MAN1C1: variants seen among roughly 807,000 people sequenced by gnomAD.
MAN1C1 encodes mannosyl-oligosaccharide 1,2-alpha-mannosidase IC.
In MAN1C1, 49 loss-of-function variants were observed where a neutral mutation model predicts 71.5. The observed-to-expected ratio is 0.69, with a 90% CI of 0.54 to 0.87. The LOEUF (loss-of-function observed/expected upper bound fraction) is 0.87, where lower values mean the gene tolerates loss of function less well. MAN1C1 is among the 40% of genes least tolerant of loss of function. The pLI, the probability that MAN1C1 is intolerant of heterozygous loss-of-function variation, is 0.00. For synonymous variants in MAN1C1, 352 were observed against 343.7 expected (o/e 1.02, Z -0.27); for missense variants, 743 against 835.0 (o/e 0.89, Z 1.36).
At chr1:25,734,035 G>A (rs899281134) in intron 2 of MAN1C1, among the ~76,000 whole-genome samples, 3 of 151,962 alleles carry the variant, frequency 2.0e-5, no homozygotes, top group African/African-American at 7.3e-5. Flanking sequence ...TCCTGACCTC[G>A]TGATCCGCCC....
intron 2 of MAN1C1, among the ~76,000 whole-genome samples, chr1:25,693,651 C>T (rs905879073): frequency 1.3e-5 from 2 of 152,080 alleles, no homozygotes; most frequent in African/African-American, 4.8e-5. Context: ...AGAAAATTTG[C>T]GATTAGGTGG....
At chr1:25,666,458 A>C (rs1224601504) in intron 1 of MAN1C1, among the ~76,000 whole-genome samples, 1 of 152,158 alleles carries the variant, frequency 6.6e-6, no homozygotes, top group Non-Finnish European at 1.5e-5. Context: ...AGGTTCACAA[A>C]CGGAACACCA....
intron 2 of MAN1C1, among the ~76,000 whole-genome samples, chr1:25,704,245 G>A (rs985480481): frequency 6.6e-6 from 1 of 152,238 alleles, no homozygotes; most frequent in African/African-American, 2.4e-5. Context: ...TGTGAGGTAA[G>A]TTGGACTTGT....
At chr1:25,694,829 C>T (rs933836564) in intron 2 of MAN1C1, among the ~76,000 whole-genome samples, 1 of 152,218 alleles carries the variant, frequency 6.6e-6, no homozygotes, top group African/African-American at 2.4e-5. Flanking sequence ...TGGGAGGTAG[C>T]AGCTTTGACT....
intron 2 of MAN1C1, among the ~76,000 whole-genome samples, chr1:25,715,980 C>T (rs184582104): frequency 3.3e-5 from 5 of 152,290 alleles, no homozygotes; most frequent in Middle Eastern, 3.4e-3. Flanking sequence ...TTCCACCTTA[C>T]GGTCCAAAAT....
At chr1:25,649,200 A>G (rs974152740) in intron 1 of MAN1C1, among the ~76,000 whole-genome samples, 20 of 152,248 alleles carry the variant, frequency 1.3e-4, no homozygotes, top group African/African-American at 4.1e-4. Context: ...ATGAGTACTC[A>G]GAAGAACTCC....
Position 25,617,744 on chromosome 1 carries a change from C to G in MAN1C1, c.-54C>G. 1 of 1,498,796 alleles carries G rather than the reference C, an allele frequency of 6.7e-7. No individual in the cohort carries two copies. Among genetic ancestry groups the G allele is most frequent in the East Asian group, 2.7e-5 (1 of 36,688 alleles). The allele number at this position is 1,498,796 out of a possible 1,614,324, so 92.8% of individuals were successfully genotyped here. ...CGGACGCCCTCCCCTCACCGCGCCC[C>G]CGCAGACACGTGCCTGGACTCCGAG... is the stretch of plus-strand genomic sequence containing the variant. On this transcript the variant is annotated 5_prime_UTR_variant, in exon 1 of 12. Transcript: ENST00000374332. The surrounding 1 kb of genome is among the most constrained non-coding windows in gnomAD (Gnocchi z 5.1).
At chr1:25,744,548 C>T (rs912441071) in intron 2 of MAN1C1, among the ~76,000 whole-genome samples, 2 of 152,128 alleles carry the variant, frequency 1.3e-5, no homozygotes, top group Admixed American at 6.5e-5. Flanking sequence ...TGCCTCCAGC[C>T]CTCTGCTCCC....
At chr1:25,702,743 G>C (rs548231682) in intron 2 of MAN1C1, among the ~76,000 whole-genome samples, 1 of 152,330 alleles carries the variant, frequency 6.6e-6, no homozygotes, top group African/African-American at 2.4e-5. Flanking sequence ...TTAATACACT[G>C]TGAAGGGCTT....
chr1:25,750,045 CCTCA>C (rs2047193148), intron 4 of MAN1C1, among the ~76,000 whole-genome samples: 1 of 152,174 alleles, frequency 6.6e-6, no homozygotes, highest in Non-Finnish European at 1.5e-5. Context: ...GAAACCTGGC[CCTCA>C]CTCCACACCA....
At position 25,699,872 on chromosome 1, in the gene MAN1C1, C is replaced by T. The variant is rs12134502; in HGVS notation, c.637+13336C>T. ...AGGTGGGAGCCAGGGCTTCACTTCC[C>T]GCTGCCACTCGGGGCCTCTGAGGCA... On this transcript the variant is annotated intron_variant, in intron 2 of 11. Transcript: ENST00000374332. 1.3e-3 allele frequency among the ~76,000 whole-genome samples: 199 copies of T among 152,284 alleles called. 1 individual carries two copies. The highest frequency in any genetic ancestry group is 2.5e-3 in the Non-Finnish European group (168 of 68,034).
chr1:25,692,289 A>C (rs888060623), intron 2 of MAN1C1, among the ~76,000 whole-genome samples: 1 of 152,320 alleles, frequency 6.6e-6, no homozygotes, highest in East Asian at 1.9e-4. Flanking sequence ...TAGCAGGGGG[A>C]AACTGTCTCT....
intron 1 of MAN1C1, among the ~76,000 whole-genome samples, chr1:25,657,528 C>T (rs2045784665): frequency 1.3e-5 from 2 of 152,206 alleles, no homozygotes; most frequent in African/African-American, 4.8e-5. Flanking sequence ...TATTCTTTAG[C>T]AAGAAATAAT....
At chr1:25,691,942 TC>T (rs2046314995) in intron 2 of MAN1C1, among the ~76,000 whole-genome samples, 1 of 152,142 alleles carries the variant, frequency 6.6e-6, no homozygotes, top group South Asian at 2.1e-4. Flanking sequence ...ATCTGTGTAG[TC>T]CGTGAGAAAT....
rs71004538 is a variant in MAN1C1, at chr1:25,769,390, TAC to T, written c.1142-2249_1142-2248del. ...ACTCACCCCACACCCCATACATACA[TAC>T]ACACACACACACACACAAGCTGTAA... On this transcript the variant is annotated intron_variant, in intron 7 of 11. Transcript: ENST00000374332. This position sits in a 1 kb window ranked among gnomAD's most constrained non-coding sequence, Gnocchi z 4.8. 4.4e-4 allele frequency among the ~76,000 whole-genome samples: 66 copies of T among 148,550 alleles called. No individual in the cohort carries two copies. The highest frequency in any genetic ancestry group is 1.5e-3 in the South Asian group (7 of 4,664).
intron 1 of MAN1C1, among the ~76,000 whole-genome samples, chr1:25,648,388 T>G (rs982382196): frequency 6.6e-6 from 1 of 152,232 alleles, no homozygotes; most frequent in South Asian, 2.1e-4. Flanking sequence ...TGCTAATCTT[T>G]TCCCACCCTC....
At chr1:25,669,160 C>T (rs930558737) in intron 1 of MAN1C1, among the ~76,000 whole-genome samples, 3 of 152,294 alleles carry the variant, frequency 2.0e-5, no homozygotes, top group East Asian at 1.9e-4. Flanking sequence ...TGCCCACTGA[C>T]GGGAGCTGCC....
rs372539718 is a variant in MAN1C1 at position 25,778,202 on chromosome 1, C to T, written c.1355C>T (p.Ala452Val). 6.2e-7 allele frequency: 1 copy of T among 1,613,686 alleles called. No homozygotes were observed. The highest frequency in any genetic ancestry group is 8.5e-7 in the Non-Finnish European group (1 of 1,179,808). ...CTGGACCACAAGATGGGGCACCTGG[C>T]CTGTTTCTCCGGGGGCATGATCGCC... ...GILDHKMGHL[A>V]CFSGGMIALG... Residue 452 changes from alanine to valine, a missense_variant, in exon 9 of 12, where the codon GCC (alanine) becomes GTC (valine). Physicochemically the swap from Ala to Val is moderately conservative, Grantham distance 64. Coordinates refer to ENST00000374332, the MANE Select transcript of MAN1C1 (RefSeq NM_020379.4). The surrounding 1 kb of genome is among the most constrained non-coding windows in gnomAD (Gnocchi z 5.5).
Position 25,618,233 on chromosome 1 carries a change from A to G in MAN1C1, c.436A>G (p.Asn146Asp). The G allele has an allele frequency of 6.2e-7, 1 of 1,601,774 alleles. No homozygotes were observed. Residue 146 changes from asparagine (N) to aspartate (D), a missense_variant, in exon 1 of 12, where the codon AAC becomes GAC. Transcript: ENST00000374332. ...GGGCGTCCCTTTCCGCTTTGACTTC[A>G]ACGCATTCCGGAGCCGTCTCCGCCA... is the stretch of plus-strand genomic sequence containing the variant. ...DEGVPFRFDF[N>D]AFRSRLRHPV...
Sources: allele counts gnomAD v4.1 joint callset (sites outside exome capture counted in the v4.1 genomes callset), GRCh38; gene constraint gnomAD v4.1.1; non-coding constraint Gnocchi (gnomAD v3.1); transcripts MANE v1.5; gene names NCBI Gene and HGNC (gene_info 2026-07-23, HGNC 2026-07-21).